GABBR2: variants seen among roughly 807,000 people sequenced by gnomAD.
The protein encoded by GABBR2 is gamma-aminobutyric acid type B receptor subunit 2.
GABBR2 carries 23 observed loss-of-function variants against 105.6 expected under a neutral mutation model. That is an observed-to-expected ratio of 0.22 (90% CI 0.16 to 0.31). The LOEUF (loss-of-function observed/expected upper bound fraction) is 0.31. Among genes scored for constraint, GABBR2 ranks in the 10% least tolerant of loss-of-function variants. The probability of loss-of-function intolerance (pLI) is 1.00; values close to 1 mark genes in which losing one functional copy is unlikely to be tolerated. For synonymous variants in GABBR2, 478 were observed against 499.7 expected (o/e 0.96, Z 0.58); for missense variants, 734 against 1,245.5 (o/e 0.59, Z 6.18).
In GABBR2 at chr9:98,708,423, G is replaced by A. The variant is rs1177837964; in HGVS notation, c.315C>T (p.Asp105=). Residue 105 remains aspartate, a synonymous_variant, in exon 1 of 19, where the codon GAC becomes GAT. Coordinates refer to ENST00000259455, the MANE Select transcript of GABBR2 (RefSeq NM_005458.8). ...GGGGCAGCCGGACACTCACCTCCGTGTCATAGAGCCGCAGGTCGAGGAAGT... is the reference window on the plus strand; with the variant it reads ...GGGGCAGCCGGACACTCACCTCCGTATCATAGAGCCGCAGGTCGAGGAAGT... ...RPYFLDLRLY[D]TECDNAKGLK... is the part of the protein sequence containing the mutation. 2.7e-6 allele frequency: 4 copies of A among 1,506,582 alleles called. No homozygotes were observed. The highest frequency in any genetic ancestry group is 2.7e-6 in the Non-Finnish European group (3 of 1,118,380). The allele number at this position is 1,506,582 out of a possible 1,614,324, so 93.3% of individuals were successfully genotyped here. A position where few individuals can be genotyped will look rare whatever the true frequency, so the allele number is the denominator to read the frequency against.
intron 7 of GABBR2, among the ~76,000 whole-genome samples, chr9:98,443,223 CT>C (rs1029959183): frequency 2.1e-4 from 32 of 152,298 alleles, no homozygotes; most frequent in African/African-American, 7.7e-4. Context: ...GGAGCCTCCT[CT>C]TTGTTTCTCC....
At chr9:98,605,467 T>C (rs556229376) in intron 1 of GABBR2, among the ~76,000 whole-genome samples, 29 of 152,210 alleles carry the variant, frequency 1.9e-4, no homozygotes, top group Non-Finnish European at 4.3e-4. Context: ...AGCTACTGTA[T>C]GCCCACATGA....
chr9:98,304,552 G>A (rs963920670), intron 15 of GABBR2, among the ~76,000 whole-genome samples: 4 of 152,190 alleles, frequency 2.6e-5, no homozygotes, highest in Non-Finnish European at 5.9e-5. Flanking sequence ...CTTTAGGCTG[G>A]GCAGGTGTGG....
At chr9:98,698,744 C>T (rs556044590) in intron 1 of GABBR2, among the ~76,000 whole-genome samples, 45 of 152,084 alleles carry the variant, frequency 3.0e-4, no homozygotes, top group African/African-American at 9.9e-4. Flanking sequence ...GTGATCCACC[C>T]GCTTCGGCCT....
intron 8 of GABBR2, among the ~76,000 whole-genome samples, chr9:98,402,009 G>C (rs981600864): frequency 4.6e-5 from 7 of 152,140 alleles, no homozygotes; most frequent in Admixed American, 3.9e-4. Flanking sequence ...CTTTCACTAG[G>C]TACGTTCTGA....
At chr9:98,597,280 T>G (rs1174241651) in intron 1 of GABBR2, among the ~76,000 whole-genome samples, 2 of 152,216 alleles carry the variant, frequency 1.3e-5, no homozygotes, top group Non-Finnish European at 2.9e-5. Context: ...ATTCTTATGC[T>G]GGGAACTTTG....
chr9:98,554,761 T>A (rs1828557123), intron 2 of GABBR2, among the ~76,000 whole-genome samples: 1 of 152,254 alleles, frequency 6.6e-6, no homozygotes. Context: ...CTCCCTTCTT[T>A]AACATTTCTA....
intron 8 of GABBR2, among the ~76,000 whole-genome samples, chr9:98,401,007 T>A (rs1156698265): frequency 6.6e-6 from 1 of 152,140 alleles, no homozygotes; most frequent in East Asian, 1.9e-4. Flanking sequence ...GAAGCGCGAC[T>A]GCACTTTTCT....
chr9:98,571,393 G>GT (rs962764012), intron 2 of GABBR2, among the ~76,000 whole-genome samples: 3 of 152,198 alleles, frequency 2.0e-5, no homozygotes, highest in Non-Finnish European at 2.9e-5. Context: ...ATCAGTTGGA[G>GT]TTTTTTGGAC....
chr9:98,485,542 A>G (rs1005539453), intron 4 of GABBR2, among the ~76,000 whole-genome samples: 11 of 152,082 alleles, frequency 7.2e-5, no homozygotes, highest in Non-Finnish European at 1.2e-4. Flanking sequence ...ACACTCACGC[A>G]CGCACATGAC....
intron 1 of GABBR2, among the ~76,000 whole-genome samples, chr9:98,582,823 G>C (rs984887630): frequency 6.6e-6 from 1 of 152,046 alleles, no homozygotes; most frequent in African/African-American, 2.4e-5. Flanking sequence ...TCTGTTCCAC[G>C]GCCCTCCCCT....
At chr9:98,680,834 A>G (rs1190208662) in intron 1 of GABBR2, among the ~76,000 whole-genome samples, 1 of 152,210 alleles carries the variant, frequency 6.6e-6, no homozygotes, top group Non-Finnish European at 1.5e-5. Flanking sequence ...GAAACAGACT[A>G]ACTATGTATA....
intron 13 of GABBR2, among the ~76,000 whole-genome samples, chr9:98,355,645 C>G (rs766747755): frequency 4.6e-5 from 7 of 152,212 alleles, no homozygotes; most frequent in Admixed American, 1.3e-4. Context: ...GATGTCAATA[C>G]TTCCCAACTT....
At chr9:98,496,634 G>A (rs1245597611) in intron 3 of GABBR2, 120 bp from the exon 4 acceptor site, 11 of 703,418 alleles carry the variant, frequency 1.6e-5, no homozygotes, top group Non-Finnish European at 2.6e-5. Context: ...ACAATGCAAA[G>A]TGAGTGGTTT....
chr9:98,545,799 C>T (rs1304104549), intron 2 of GABBR2, among the ~76,000 whole-genome samples: 1 of 152,176 alleles, frequency 6.6e-6, no homozygotes, highest in Non-Finnish European at 1.5e-5. Context: ...TGCGCTTTCT[C>T]CCATGGATGA....
chr9:98,392,954 C>T (rs1832209206), intron 9 of GABBR2, among the ~76,000 whole-genome samples: 1 of 105,610 alleles, frequency 9.5e-6, no homozygotes, highest in African/African-American at 4.7e-5. Flanking sequence ...TCTATCCACT[C>T]ACCCACCCAC....
chr9:98,492,899 A>G (rs532601992), intron 4 of GABBR2, among the ~76,000 whole-genome samples: 4 of 152,112 alleles, frequency 2.6e-5, no homozygotes, highest in Non-Finnish European at 5.9e-5. Flanking sequence ...AGGTTTCTCG[A>G]CCGTCAAGTT....
intron 1 of GABBR2, among the ~76,000 whole-genome samples, chr9:98,681,632 T>C (rs1470839084): frequency 6.6e-6 from 1 of 152,158 alleles, no homozygotes; most frequent in African/African-American, 2.4e-5. Context: ...AAGACTACTA[T>C]AAAATATTTT....
intron 1 of GABBR2, among the ~76,000 whole-genome samples, chr9:98,704,174 T>G (rs1480252112): frequency 1.3e-5 from 2 of 152,334 alleles, no homozygotes; most frequent in Middle Eastern, 3.4e-3. Context: ...TGAGCTGTAC[T>G]CAGACCTTTT....
Sources: allele counts gnomAD v4.1 joint callset (sites outside exome capture counted in the v4.1 genomes callset), GRCh38; gene constraint gnomAD v4.1.1; transcripts MANE v1.5; gene names NCBI Gene and HGNC (gene_info 2026-07-23, HGNC 2026-07-21).